The following YARS1 variants were observed in gnomAD, a reference collection of about 807,000 sequenced individuals.
YARS1 encodes the protein tyrosyl-tRNA synthetase 1, also known as tyrosine--tRNA ligase, cytoplasmic.
Under a neutral mutation model 62.2 loss-of-function variants are expected in YARS1, and 36 were observed. The ratio of observed to expected loss-of-function variants is 0.58; its 90% CI spans 0.44 to 0.76. YARS1 has a LOEUF of 0.76. YARS1 is among the 30% of genes least tolerant of loss of function. YARS1 has a pLI of 0.00. For missense variants in YARS1, 524 were observed against 639.8 expected, an observed-to-expected ratio of 0.82 and a Z score of 1.95; for synonymous variants, 234 against 244.9, an observed-to-expected ratio of 0.96 and a Z score of 0.42.
In YARS1 at chr1:32,780,173, G is replaced by T. The variant is rs76611863; in HGVS notation, c.1246C>A (p.Gln416Lys). 123 of 1,614,158 alleles carry T rather than the reference G, an allele frequency of 7.6e-5. 1 individual carries two copies. In the East Asian group the frequency reaches 2.7e-3, roughly 35 times the overall value. Residue 416 changes from glutamine (Q) to lysine (K), a missense_variant, in exon 11 of 13, where the codon CAG (glutamine) becomes AAG (lysine). Coordinates refer to ENST00000373477, the MANE Select transcript of YARS1 (RefSeq NM_003680.4). ...LVQFVPKEEL[Q>K]DRLVVVLCNL... ...CACAGCACCACTACCAGCCTGTCCT[G>T]CAGTTCCTCCTTGGGCACGAACTGT... is the stretch of plus-strand genomic sequence containing the variant.
intron 5 of YARS1, among the ~76,000 whole-genome samples, chr1:32,793,499 C>T (rs1653479255): frequency 3.3e-5 from 5 of 152,038 alleles, no homozygotes; most frequent in Admixed American, 3.3e-4. Flanking sequence ...CAAAAATTAG[C>T]CAGGTGTGGT....
intron 6 of YARS1, among the ~76,000 whole-genome samples, chr1:32,788,118 CTAACAAATTAAA>C (rs1349484012): frequency 6.6e-6 from 1 of 152,218 alleles, no homozygotes; most frequent in Non-Finnish European, 1.5e-5. Flanking sequence ...ATCCTGCCAT[CTAACAAATTAAA>C]CTATTTTATT....
At chr1:32,791,309 T>C (rs774017402) in intron 5 of YARS1, 55 bp from the exon 6 acceptor site, 1 of 1,417,422 alleles carries the variant, frequency 7.1e-7, no homozygotes, top group Non-Finnish European at 1.0e-6. Context: ...TCCTCCTCAG[T>C]GCCCTGATCT....
intron 8 of YARS1, among the ~76,000 whole-genome samples, chr1:32,784,666 G>GTA (rs1379857627): frequency 1.3e-5 from 2 of 151,356 alleles, no homozygotes; most frequent in African/African-American, 2.4e-5. Context: ...ATTATTTCTG[G>GTA]TATATATATA....
chr1:32,797,889 G>A (rs1203524909), intron 4 of YARS1, 46 bp from the exon 5 acceptor site: 5 of 1,558,736 alleles, frequency 3.2e-6, no homozygotes, highest in East Asian at 2.2e-5. Flanking sequence ...TTATTTTTTT[G>A]AGACAGAGTC....
chr1:32,817,043 A>G (rs1421307902), intron 1 of YARS1, 145 bp downstream of exon 1: 2 of 1,028,170 alleles, frequency 1.9e-6, no homozygotes, highest in Non-Finnish European at 3.0e-6. Context: ...CTGACCGACC[A>G]GCAGTGAGAT....
At chr1:32,810,821 C>T in intron 2 of YARS1, 55 bp from the exon 3 acceptor site, 2 of 1,614,010 alleles carry the variant, frequency 1.2e-6, no homozygotes, top group South Asian at 2.2e-5. Context: ...TACCTCCAAC[C>T]TGTCTCCTCC....
intron 9 of YARS1, chr1:32,781,539 C>T: frequency 2.2e-5 from 4 of 183,384 alleles, no homozygotes; most frequent in South Asian, 1.2e-4. Flanking sequence ...GGCAACAGAG[C>T]CAGACTCTGT....
chr1:32,810,831 C>T (rs1040280546), intron 2 of YARS1, 65 bp from the exon 3 acceptor site: 3 of 1,613,876 alleles, frequency 1.9e-6, no homozygotes, highest in African/African-American at 2.7e-5. Flanking sequence ...CTGTCTCCTC[C>T]AGCCCCACCC....
At chr1:32,814,576 G>C (rs190537521) in intron 1 of YARS1, among the ~76,000 whole-genome samples, 63 of 152,270 alleles carry the variant, frequency 4.1e-4, no homozygotes, top group Admixed American at 2.7e-3. Context: ...TTTTAGTAGA[G>C]ATGGGGTTTC....
intron 6 of YARS1, 78 bp downstream of exon 6, chr1:32,791,084 G>A (rs1653398709): frequency 7.6e-7 from 1 of 1,308,648 alleles, no homozygotes; most frequent in African/African-American, 1.5e-5. Context: ...TAGTTAGCCA[G>A]GTCACTGTTC....
At chr1:32,796,858 G>A (rs1337144195) in intron 5 of YARS1, among the ~76,000 whole-genome samples, 1 of 146,238 alleles carries the variant, frequency 6.8e-6, no homozygotes, top group Admixed American at 6.9e-5. Context: ...CCAGCTACTC[G>A]GCAGGCTGAG....
chr1:32,787,128 C>T, intron 6 of YARS1, 53 bp from the exon 7 acceptor site: 2 of 1,609,618 alleles, frequency 1.2e-6, no homozygotes, highest in African/African-American at 1.3e-5. Flanking sequence ...TGAGAATATG[C>T]TCAACTAATA....
intron 3 of YARS1, among the ~76,000 whole-genome samples, chr1:32,809,409 C>CT (rs944152801): frequency 1.7e-4 from 25 of 150,946 alleles, no homozygotes; most frequent in South Asian, 4.2e-4. Context: ...TCTTTCTTTT[C>CT]TTTTTTTTTA....
intron 5 of YARS1, 49 bp from the exon 6 acceptor site, chr1:32,791,303 C>T: frequency 6.8e-7 from 1 of 1,461,540 alleles, no homozygotes; most frequent in Non-Finnish European, 9.6e-7. Flanking sequence ...CTAAGTTCCT[C>T]CTCAGTGCCC....
chr1:32,808,785 C>G (rs539481854), intron 3 of YARS1, among the ~76,000 whole-genome samples: 2 of 152,174 alleles, frequency 1.3e-5, no homozygotes, highest in Non-Finnish European at 2.9e-5. Context: ...TGAAACCCCC[C>G]GCTTCCTGAA....
chr1:32,791,297 G>A (rs924924513), intron 5 of YARS1, 43 bp from the exon 6 acceptor site: 2 of 1,532,864 alleles, frequency 1.3e-6, no homozygotes, highest in Non-Finnish European at 1.8e-6. Flanking sequence ...ATTAGTCTAA[G>A]TTCCTCCTCA....
intron 5 of YARS1, among the ~76,000 whole-genome samples, chr1:32,794,790 G>A (rs895299501): frequency 1.3e-5 from 2 of 151,768 alleles, no homozygotes; most frequent in African/African-American, 4.8e-5. Flanking sequence ...GGTGGGTTAC[G>A]AGGTCAGGAG....
rs1653090651 is a variant in YARS1 at position 32,782,456 on chromosome 1, G to T, written c.990C>A (p.Thr330=). 6.2e-7 allele frequency: 1 copy of T among 1,614,008 alleles called. No individual in the cohort carries two copies. The highest frequency in any genetic ancestry group is 1.7e-4 in the Middle Eastern group (1 of 6,058). Residue 330 remains threonine (T), a synonymous_variant, in exon 9 of 13, where the codon ACC becomes ACA. Coordinates refer to ENST00000373477, the MANE Select transcript of YARS1 (RefSeq NM_003680.4). ...CGCTGGCCAGTTTTTTCAGGGCAGG[G>T]GTATTAAACTTTTCCCGGATTGGAT... The part of the protein sequence containing the change: ...LLDPIREKFN[T]PALKKLASAA...
Sources: allele counts gnomAD v4.1 joint callset (sites outside exome capture counted in the v4.1 genomes callset), GRCh38; gene constraint gnomAD v4.1.1; transcripts MANE v1.5; gene names NCBI Gene and HGNC (gene_info 2026-07-23, HGNC 2026-07-21).